The following TOP1 variants were observed in gnomAD, a reference collection of about 807,000 sequenced individuals.
The protein encoded by TOP1 is DNA topoisomerase I, also known as DNA topoisomerase 1.
In TOP1, 10 loss-of-function variants were observed where a neutral mutation model predicts 111.1. The observed-to-expected ratio is 0.09, with a 90% confidence interval of 0.06 to 0.15. The LOEUF (loss-of-function observed/expected upper bound fraction) is 0.15. Among genes scored for constraint, TOP1 ranks in the 10% least tolerant of loss-of-function variants. The pLI is 1.00. For synonymous variants in TOP1, 271 were observed against 302.9 expected, an observed-to-expected ratio of 0.89 and a Z score of 1.10; for missense variants, 474 against 926.7, an observed-to-expected ratio of 0.51 and a Z score of 6.34.
intron 2 of TOP1, among the ~76,000 whole-genome samples, chr20:41,049,740 T>G (rs2033379742): frequency 6.6e-6 from 1 of 152,248 alleles, no homozygotes; most frequent in Admixed American, 6.5e-5. Flanking sequence ...TAAGTGGCAC[T>G]CAGTAAATAC....
At position 41,123,267 on chromosome 20, in the gene TOP1, T is replaced by C; in HGVS notation, c.2268T>C (p.Ile756=). 6.2e-7 allele frequency: 1 copy of C among 1,613,892 alleles called. No individual in the cohort carries two copies. Among genetic ancestry groups the C allele is most frequent in the Non-Finnish European group, 8.5e-7 (1 of 1,179,780 alleles). The part of the protein sequence containing the change: ...KTQREKFAWA[I]DMADEDYEF ...AGCGGGAGAAGTTTGCCTGGGCCAT[T>C]GACATGGCTGATGAAGACTATGAGT... Residue 756 remains isoleucine (I), a synonymous_variant, in exon 21 of 21, where the codon ATT becomes ATC. Coordinates refer to ENST00000361337, the MANE Select transcript of TOP1 (RefSeq NM_003286.4). The surrounding 1 kb of genome is among the most constrained non-coding windows in gnomAD (Gnocchi z 5.8).
rs903479018 is a variant in TOP1 at position 41,112,039 on chromosome 20, C to G, written c.1309-743C>G. On this transcript the variant is annotated intron_variant, in intron 13 of 20. Coordinates refer to ENST00000361337, the MANE Select transcript of TOP1 (RefSeq NM_003286.4). The surrounding 1 kb of genome is among the most constrained non-coding windows in gnomAD (Gnocchi z 5.8). Reference sequence around the variant, plus strand: ...ACTTTTAACCCTTCCACCAAAAGCTCTTATTTTTTTAAAGGCTTCCCAGAA... The same window carrying G: ...ACTTTTAACCCTTCCACCAAAAGCTGTTATTTTTTTAAAGGCTTCCCAGAA... Among the ~76,000 whole-genome samples, 1 of 152,172 alleles carries G rather than the reference C, an allele frequency of 6.6e-6. No homozygotes were observed. Among genetic ancestry groups the G allele is most frequent in the African/African-American group, 2.4e-5 (1 of 41,432 alleles).
At chr20:41,107,694 G>A (rs994814951) in intron 13 of TOP1, among the ~76,000 whole-genome samples, 1 of 152,192 alleles carries the variant, frequency 6.6e-6, no homozygotes, top group South Asian at 2.1e-4. Flanking sequence ...GTGAATTCAT[G>A]TGCTAATTAC....
intron 8 of TOP1, among the ~76,000 whole-genome samples, chr20:41,085,114 T>C (rs1424445625): frequency 6.6e-6 from 1 of 151,358 alleles, no homozygotes; most frequent in Non-Finnish European, 1.5e-5. Context: ...GCAAAATATT[T>C]GCAATACAAA....
intron 11 of TOP1, among the ~76,000 whole-genome samples, chr20:41,099,241 C>A (rs764919895): frequency 1.3e-5 from 2 of 152,204 alleles, no homozygotes; most frequent in African/African-American, 2.4e-5. Flanking sequence ...TTAATTGCAT[C>A]AGACTTTGTG....
In TOP1 at chr20:41,121,730, G is replaced by A. The variant is rs781564130; in HGVS notation, c.1985G>A (p.Arg662Gln). The change falls in exon 19 of 21, where the codon CGG (arginine) becomes CAG (glutamine). Residue 662 changes from arginine to glutamine, a missense_variant. Arg to Gln is a conservative substitution (Grantham distance 43). This residue lies in a region of TOP1 where 36 missense variants were observed against 42.3 expected (regional missense o/e 0.85). Transcript: ENST00000361337. The surrounding 1 kb of genome is among the most constrained non-coding windows in gnomAD (Gnocchi z 4.2). The stretch of plus-strand genomic sequence containing the variant: ...AAGAAGGAACAGCTAGCAGATGCCC[G>A]GAGAGACCTGAAAAGTGCTAAGGCT... ...DAKKEQLADA[R>Q]RDLKSAKADA... is the part of the protein sequence containing the mutation. 1.7e-5 allele frequency: 27 copies of A among 1,614,012 alleles called. No homozygotes were observed. In the Middle Eastern group the frequency reaches 8.2e-4, roughly 49 times the overall value.
chr20:41,057,118 T>C (rs985871756), intron 2 of TOP1, among the ~76,000 whole-genome samples: 2 of 151,710 alleles, frequency 1.3e-5, no homozygotes, highest in Admixed American at 1.3e-4. Flanking sequence ...TACAAAAAAT[T>C]AGCCGGGCAT....
At chr20:41,091,184 T>C (rs1241602362) in intron 8 of TOP1, among the ~76,000 whole-genome samples, 1 of 152,242 alleles carries the variant, frequency 6.6e-6, no homozygotes, top group Admixed American at 6.5e-5. Flanking sequence ...ACTTGTTCCA[T>C]GGCTGAATGA....
rs888414943 is a variant in TOP1 at position 41,046,339 on chromosome 20, A to G, written c.59-15055A>G. ...TATAGTTATAACTAAGCCACAGAGC[A>G]GGGAGGCTAATCTAGGCCTACCTCA... On this transcript the variant is annotated intron_variant, in intron 2 of 20. Coordinates refer to ENST00000361337, the MANE Select transcript of TOP1 (RefSeq NM_003286.4). This position sits in a 1 kb window ranked among gnomAD's most constrained non-coding sequence, Gnocchi z 4.3. 1.3e-5 allele frequency among the ~76,000 whole-genome samples: 2 copies of G among 152,242 alleles called. No homozygotes were observed. Among genetic ancestry groups the G allele is most frequent in the African/African-American group, 2.4e-5 (1 of 41,466 alleles).
In TOP1 at chr20:41,069,115, T is replaced by C. The variant is rs2033641973; in HGVS notation, c.156-7056T>C. Among the ~76,000 whole-genome samples the C allele has an allele frequency of 6.6e-6, 1 of 152,262 alleles. No individual in the cohort carries two copies. The highest frequency in any genetic ancestry group is 6.5e-5 in the Admixed American group (1 of 15,290). On this transcript the variant is annotated intron_variant, in intron 3 of 20. Coordinates refer to ENST00000361337, the MANE Select transcript of TOP1 (RefSeq NM_003286.4). The surrounding 1 kb of genome is among the most constrained non-coding windows in gnomAD (Gnocchi z 4.1). ...TCTGAGAATAAGGATGCTTTTGGCT[T>C]CTGCTTTCCTTTTAGTTCCAAATCC...
chr20:41,083,254 A>C lies in TOP1; in HGVS notation c.508-1208A>C, dbSNP rs930410924. 6.6e-6 allele frequency among the ~76,000 whole-genome samples: 1 copy of C among 152,080 alleles called. No individual in the cohort carries two copies. The highest frequency in any genetic ancestry group is 2.4e-5 in the African/African-American group (1 of 41,414). ...ATTTCCCTTTCCTGTGGTGTGTTTC[A>C]CCCTAAATAGTAAACATTATCTGAA... On this transcript the variant is annotated intron_variant, in intron 7 of 20. Coordinates refer to ENST00000361337, the MANE Select transcript of TOP1 (RefSeq NM_003286.4). This position sits in a 1 kb window ranked among gnomAD's most constrained non-coding sequence, Gnocchi z 7.2.
At position 41,124,333 on chromosome 20, in the gene TOP1, T is replaced by G. The variant is rs913356475; in HGVS notation, c.*1036T>G. 1 of 233,288 alleles carries G rather than the reference T, an allele frequency of 4.3e-6. No individual in the cohort carries two copies. The highest frequency in any genetic ancestry group is 2.2e-5 in the African/African-American group (1 of 45,354). The allele number at this position is 233,288 out of a possible 1,614,324, so 14.5% of individuals were successfully genotyped here. A position where few individuals can be genotyped will look rare whatever the true frequency, so the allele number is the denominator to read the frequency against. On this transcript the variant is annotated 3_prime_UTR_variant, in exon 21 of 21. Transcript: ENST00000361337. This position sits in a 1 kb window ranked among gnomAD's most constrained non-coding sequence, Gnocchi z 5.4. ...CAGAATTTTAATGTGAAGACATTTT[T>G]TGCTATAATCATTAGTTTTAGAGGC...
In TOP1 at chr20:41,067,204, C is replaced by G. The variant is rs1200369538; in HGVS notation, c.155+5714C>G. 6.6e-6 allele frequency among the ~76,000 whole-genome samples: 1 copy of G among 151,976 alleles called. No homozygotes were observed. Among genetic ancestry groups the G allele is most frequent in the African/African-American group, 2.4e-5 (1 of 41,324 alleles). On this transcript the variant is annotated intron_variant, in intron 3 of 20. Transcript: ENST00000361337. The surrounding 1 kb of genome is among the most constrained non-coding windows in gnomAD (Gnocchi z 4.0). ...GTGTGATCTCGGCTCACTGCAACCT[C>G]TGCCTCCTGGGTTCAAGCGATTCTC...
rs2034253665 is a variant in TOP1, at chr20:41,112,192, C to T, written c.1309-590C>T. Among the ~76,000 whole-genome samples the T allele has an allele frequency of 6.6e-6, 1 of 152,154 alleles. No homozygotes were observed. Among genetic ancestry groups the T allele is most frequent in the Admixed American group, 6.5e-5 (1 of 15,278 alleles). ...TTACATGTTGTAGTCTTTGGTTCTG[C>T]TTCTTTGACAGCTCCACCACACTGT... On this transcript the variant is annotated intron_variant, in intron 13 of 20. Coordinates refer to ENST00000361337, the MANE Select transcript of TOP1 (RefSeq NM_003286.4). This position sits in a 1 kb window ranked among gnomAD's most constrained non-coding sequence, Gnocchi z 5.8.
chr20:41,039,763 C>T (rs953603350), intron 2 of TOP1, among the ~76,000 whole-genome samples: 6 of 152,044 alleles, frequency 3.9e-5, no homozygotes, highest in African/African-American at 1.4e-4. Context: ...AAAAAACTAG[C>T]CGGGCGTGGT....
chr20:41,070,292 C>T (rs1427296824), intron 3 of TOP1, among the ~76,000 whole-genome samples: 1 of 152,174 alleles, frequency 6.6e-6, no homozygotes, highest in Non-Finnish European at 1.5e-5. Flanking sequence ...CATCTTTGGG[C>T]ACATCCTTTT....
At chr20:41,088,462 G>T (rs1046165065) in intron 8 of TOP1, among the ~76,000 whole-genome samples, 1 of 152,072 alleles carries the variant, frequency 6.6e-6, no homozygotes, top group Non-Finnish European at 1.5e-5. Context: ...GAGATCACGC[G>T]ACTGCACTCC....
In TOP1 at chr20:41,116,450, T is replaced by TG. The variant is rs989018493; in HGVS notation, c.1822+59dup. ...CCCTACTAATGGTATCCGGTGACCT[T>TG]GCTTATCTAAGGCCTAGAGTCAGTT... is the stretch of plus-strand genomic sequence containing the variant. On this transcript the variant is annotated intron_variant, in intron 17 of 20. Transcript: ENST00000361337. The surrounding 1 kb of genome is among the most constrained non-coding windows in gnomAD (Gnocchi z 5.6). The TG allele has an allele frequency of 1.4e-5, 20 of 1,394,786 alleles. No individual in the cohort carries two copies. The highest frequency in any genetic ancestry group is 1.5e-5 in the Non-Finnish European group (15 of 984,282). 86.4% of individuals were successfully genotyped at this position (1,394,786 alleles called of 1,614,324 possible).
chr20:41,036,493 T>C (rs940212399), intron 2 of TOP1, among the ~76,000 whole-genome samples: 2 of 152,222 alleles, frequency 1.3e-5, no homozygotes, highest in East Asian at 1.9e-4. Context: ...TAGATAAGTA[T>C]ATGAAGGTGC....
Sources: allele counts gnomAD v4.1 joint callset (sites outside exome capture counted in the v4.1 genomes callset), GRCh38; gene constraint gnomAD v4.1.1; regional missense constraint gnomAD v4.1.1; non-coding constraint Gnocchi (gnomAD v3.1); transcripts MANE v1.5; gene names NCBI Gene and HGNC (gene_info 2026-07-23, HGNC 2026-07-21).